The following ZC3H12B variants were observed in gnomAD, a reference collection of about 807,000 sequenced individuals.
ZC3H12B encodes zinc finger CCCH-type containing 12B, also known as probable ribonuclease ZC3H12B.
ZC3H12B carries 7 observed loss-of-function variants against 43.9 expected under a neutral mutation model. The observed-to-expected ratio is 0.16, with a 90% CI of 0.09 to 0.30. ZC3H12B has a LOEUF of 0.30. Ranked by LOEUF, ZC3H12B falls within the 10% of genes least tolerant of loss-of-function variation. ZC3H12B has a pLI of 1.00. For synonymous variants in ZC3H12B, 222 were observed against 241.7 expected, an observed-to-expected ratio of 0.92 and a Z score of 0.76; for missense variants, 475 against 670.2, an observed-to-expected ratio of 0.71 and a Z score of 3.22.
the ZC3H12B span, among the ~76,000 whole-genome samples, chrX:65,197,140 C>T: frequency 2.7e-5 from 3 of 112,142 alleles, no homozygotes; most frequent in African/African-American, 9.7e-5. Flanking sequence ...GCAAAAGGCG[C>T]GAGACAAAGT....
chrX:65,447,940 A>G (rs1319605797), intron 3 of ZC3H12B, among the ~76,000 whole-genome samples: 1 of 111,719 alleles, frequency 9.0e-6, no homozygotes, highest in Non-Finnish European at 1.9e-5. Flanking sequence ...CCATTATTGA[A>G]AAGTTAAAAG....
At chrX:65,190,911 T>G in the ZC3H12B span, among the ~76,000 whole-genome samples, 1 of 104,663 alleles carries the variant, frequency 9.6e-6, no homozygotes, top group Non-Finnish European at 1.9e-5. Flanking sequence ...TTTTTTCCCA[T>G]TCAGTATGAT....
At chrX:65,463,104 T>C (rs1401090474) in intron 3 of ZC3H12B, among the ~76,000 whole-genome samples, 1 of 111,659 alleles carries the variant, frequency 9.0e-6, no homozygotes, top group African/African-American at 3.3e-5. Flanking sequence ...CAACAGATAC[T>C]GGGGACTACT....
At chrX:65,438,441 C>T (rs1473304364) in intron 3 of ZC3H12B, among the ~76,000 whole-genome samples, 4 of 111,651 alleles carry the variant, frequency 3.6e-5, no homozygotes, top group Non-Finnish European at 7.5e-5. Flanking sequence ...ATTTCTTTAA[C>T]TTTATTCCTA....
chrX:65,220,385 A>G, the ZC3H12B span, among the ~76,000 whole-genome samples: 4 of 112,072 alleles, frequency 3.6e-5, no homozygotes, highest in African/African-American at 1.3e-4. Context: ...AATGGCCTAA[A>G]TGCTTCACTT....
chrX:65,484,939 G>T (rs1413367390), upstream of ZC3H12B, among the ~76,000 whole-genome samples: 3 of 111,998 alleles, frequency 2.7e-5, no homozygotes, highest in Non-Finnish European at 5.6e-5. Context: ...GAAAGTAGAA[G>T]ACTTTGATCT....
intron 3 of ZC3H12B, among the ~76,000 whole-genome samples, chrX:65,475,094 C>A (rs919280157): frequency 1.8e-5 from 2 of 112,246 alleles, no homozygotes; most frequent in African/African-American, 3.2e-5. Context: ...AAATACTATA[C>A]TTTTACATCC....
the ZC3H12B span, among the ~76,000 whole-genome samples, chrX:65,279,837 C>CT: frequency 1.8e-5 from 2 of 111,943 alleles, no homozygotes; most frequent in Admixed American, 1.9e-4. Context: ...CAAAGGTCTA[C>CT]TATCCAGCAT....
the ZC3H12B span, among the ~76,000 whole-genome samples, chrX:65,303,805 T>G: frequency 8.9e-6 from 1 of 112,382 alleles, no homozygotes; most frequent in African/African-American, 3.2e-5. Context: ...GCATAAAAAT[T>G]ACCAAATACA....
exon 5 of ZC3H12B, chrX:65,502,147 T>C: frequency 8.3e-7 from 1 of 1,210,131 alleles, no homozygotes; most frequent in African/African-American, 1.7e-5. Context: ...ATGCAGTGGG[T>C]GCACTCAACA....
the ZC3H12B span, among the ~76,000 whole-genome samples, chrX:65,316,284 T>C: frequency 1.8e-5 from 2 of 111,641 alleles, no homozygotes; most frequent in African/African-American, 6.5e-5. Context: ...TTTCCCAATC[T>C]CACTAAAGAG....
At chrX:65,122,346 G>A in the ZC3H12B span, among the ~76,000 whole-genome samples, 1 of 110,955 alleles carries the variant, frequency 9.0e-6, no homozygotes, top group Non-Finnish European at 1.9e-5. Flanking sequence ...GAGAGATTTT[G>A]TCACCACCAG....
chrX:65,159,692 A>C, the ZC3H12B span, among the ~76,000 whole-genome samples: 2 of 111,938 alleles, frequency 1.8e-5, no homozygotes, highest in Admixed American at 1.9e-4. Context: ...TAGATATACA[A>C]TCATGTCATC....
chrX:65,198,882 G>A, the ZC3H12B span, among the ~76,000 whole-genome samples: 1 of 111,303 alleles, frequency 9.0e-6, no homozygotes. Flanking sequence ...ACTGGAGTGC[G>A]ATGGCATGAT....
At chrX:65,455,485 C>A (rs1345706599) in intron 3 of ZC3H12B, among the ~76,000 whole-genome samples, 2 of 111,699 alleles carry the variant, frequency 1.8e-5, no homozygotes, top group Non-Finnish European at 3.8e-5. Flanking sequence ...TGTGAAAAGA[C>A]CAAATCTATG....
the ZC3H12B span, among the ~76,000 whole-genome samples, chrX:65,233,209 A>T: frequency 8.9e-6 from 1 of 111,850 alleles, no homozygotes; most frequent in African/African-American, 3.2e-5. Flanking sequence ...AAATTAGCAA[A>T]GAAACATTGG....
chrX:65,179,579 AATAG>A, the ZC3H12B span, among the ~76,000 whole-genome samples: 65 of 110,658 alleles, frequency 5.9e-4, 1 homozygote, highest in Non-Finnish European at 2.1e-4. Context: ...AGACTAACAA[AATAG>A]ATAGACCACC....
the ZC3H12B span, among the ~76,000 whole-genome samples, chrX:65,082,933 G>A: frequency 9.0e-6 from 1 of 110,582 alleles, no homozygotes; most frequent in African/African-American, 3.3e-5. Flanking sequence ...TTATCTCTGG[G>A]ATTCAAGAAT....
chrX:65,078,623 T>C, the ZC3H12B span, among the ~76,000 whole-genome samples: 12 of 111,919 alleles, frequency 1.1e-4, no homozygotes, highest in South Asian at 4.5e-3. Flanking sequence ...GAGAGAGATC[T>C]CAGTGGAGGC....
Sources: allele counts gnomAD v4.1 joint callset (sites outside exome capture counted in the v4.1 genomes callset), GRCh38; gene constraint gnomAD v4.1.1; transcripts MANE v1.5; gene names NCBI Gene and HGNC (gene_info 2026-07-23, HGNC 2026-07-21).